LRRC4C: variants seen among roughly 807,000 people sequenced by gnomAD.
LRRC4C encodes the protein leucine rich repeat containing 4C, also known as leucine-rich repeat-containing protein 4C.
Under a neutral mutation model 33.6 loss-of-function variants are expected in LRRC4C, and 5 were observed. That is an observed-to-expected ratio of 0.15 (90% CI 0.08 to 0.31). The LOEUF (loss-of-function observed/expected upper bound fraction) is 0.31. Among genes scored for constraint, LRRC4C ranks in the 10% least tolerant of loss-of-function variants. The probability of loss-of-function intolerance (pLI) is 1.00; values close to 1 mark genes in which losing one functional copy is unlikely to be tolerated. For synonymous variants in LRRC4C, 329 were observed against 302.0 expected, an observed-to-expected ratio of 1.09 and a Z score of -0.93; for missense variants, 560 against 796.7, an observed-to-expected ratio of 0.70 and a Z score of 3.58.
At chr11:40,404,557 C>T (rs950778841) in intron 3 of LRRC4C, among the ~76,000 whole-genome samples, 1 of 152,020 alleles carries the variant, frequency 6.6e-6, no homozygotes, top group Non-Finnish European at 1.5e-5. Context: ...TCTTGTGACT[C>T]CTCTGCCTGT....
At chr11:41,386,144 T>C (rs1326657536) in intron 1 of LRRC4C, among the ~76,000 whole-genome samples, 2 of 151,674 alleles carry the variant, frequency 1.3e-5, no homozygotes, top group Non-Finnish European at 3.0e-5. Context: ...TTCCATTTGA[T>C]ACTTACCAGC....
In LRRC4C at chr11:40,905,362, A is replaced by T. The variant is rs371800906; in HGVS notation, c.-407+28273T>A. On this transcript the variant is annotated intron_variant, in intron 2 of 6. Coordinates refer to ENST00000528697, the MANE Select transcript of LRRC4C (RefSeq NM_001258419.2). The stretch of plus-strand genomic sequence containing the variant: ...TCCCAGAATATCCCCTTGAGCTGGG[A>T]GAAGATTCTCAGGGCTCACATATAG... 2.4e-4 allele frequency among the ~76,000 whole-genome samples: 36 copies of T among 152,128 alleles called. 1 individual carries two copies. The East Asian group carries it at 3.9e-3, about 16-fold the overall frequency.
chr11:40,828,351 C>A (rs1388218895), intron 2 of LRRC4C, among the ~76,000 whole-genome samples: 1 of 151,646 alleles, frequency 6.6e-6, no homozygotes, highest in Non-Finnish European at 1.5e-5. Context: ...AACTAGGATG[C>A]AAAACCCTCT....
intron 3 of LRRC4C, among the ~76,000 whole-genome samples, chr11:40,368,018 CA>C (rs1418135962): frequency 6.6e-6 from 1 of 152,090 alleles, no homozygotes; most frequent in Admixed American, 6.6e-5. Flanking sequence ...ACCGTCTTGG[CA>C]GCTATATTTT....
intron 1 of LRRC4C, among the ~76,000 whole-genome samples, chr11:41,229,578 T>C (rs146344272): frequency 7.8e-4 from 119 of 152,212 alleles, no homozygotes; most frequent in Non-Finnish European, 1.3e-3. Context: ...TACATACAAA[T>C]TCGGAACTCA....
At chr11:40,522,887 C>T (rs1451986594) in intron 3 of LRRC4C, among the ~76,000 whole-genome samples, 1 of 152,144 alleles carries the variant, frequency 6.6e-6, no homozygotes, top group African/African-American at 2.4e-5. Flanking sequence ...TATCTTTTCT[C>T]TTAAAAGTTG....
At chr11:40,873,852 T>C (rs901541337) in intron 2 of LRRC4C, among the ~76,000 whole-genome samples, 1 of 152,224 alleles carries the variant, frequency 6.6e-6, no homozygotes, top group Non-Finnish European at 1.5e-5. Context: ...AATAAACATC[T>C]TCCATGTTTC....
chr11:41,314,798 A>C (rs1435517811), intron 1 of LRRC4C, among the ~76,000 whole-genome samples: 1 of 152,038 alleles, frequency 6.6e-6, no homozygotes, highest in Non-Finnish European at 1.5e-5. Context: ...AAAGTATAAT[A>C]ATAAAAAAAA....
chr11:41,411,087 G>A (rs147781533), intron 1 of LRRC4C, among the ~76,000 whole-genome samples: 5 of 148,702 alleles, frequency 3.4e-5, no homozygotes, highest in African/African-American at 1.0e-4. Context: ...GATGGTTTCC[G>A]CATTGGAAGG....
At chr11:40,500,270 T>C (rs1954680477) in intron 3 of LRRC4C, among the ~76,000 whole-genome samples, 1 of 64,284 alleles carries the variant, frequency 1.6e-5, no homozygotes, top group African/African-American at 5.6e-5. Flanking sequence ...ACCTAATGTC[T>C]GATATATATA....
At chr11:40,810,295 G>T (rs560850310) in intron 2 of LRRC4C, among the ~76,000 whole-genome samples, 15 of 152,194 alleles carry the variant, frequency 9.9e-5, no homozygotes, top group Non-Finnish European at 2.2e-4. Flanking sequence ...TGTCACCATG[G>T]TTCTCTCAGC....
At chr11:40,642,644 C>T (rs1018343776) in intron 3 of LRRC4C, among the ~76,000 whole-genome samples, 1 of 152,086 alleles carries the variant, frequency 6.6e-6, no homozygotes, top group African/African-American at 2.4e-5. Context: ...TTTATGGTCC[C>T]CTCAGCACCT....
rs188391540 is a variant in LRRC4C, at chr11:40,956,186, C to A, written c.-495-22463G>T. ...CAAAAACAAATAACCTTGTGCTGAT[C>A]GGCTGTGAAAATTCAGCAAACTCAA... is the stretch of plus-strand genomic sequence containing the variant. On this transcript the variant is annotated intron_variant, in intron 1 of 6. Coordinates refer to ENST00000528697, the MANE Select transcript of LRRC4C (RefSeq NM_001258419.2). Among the ~76,000 whole-genome samples the A allele has an allele frequency of 2.0e-3, 306 of 151,856 alleles. 5 individuals carry two copies. Among genetic ancestry groups the A allele is most frequent in the Non-Finnish European group, 4.9e-4 (33 of 67,796 alleles).
chr11:41,459,284 C>A (rs1956264529), intron 1 of LRRC4C, 147 bp downstream of exon 1: 1 of 151,906 alleles, frequency 6.6e-6, no homozygotes, highest in Admixed American at 6.6e-5. Context: ...AAAAAATAGC[C>A]CCAAAATGCC....
At chr11:40,790,835 G>C (rs116206642) in intron 2 of LRRC4C, among the ~76,000 whole-genome samples, 1,893 of 152,270 alleles carry the variant, frequency 0.012, 39 homozygotes, top group African/African-American at 0.038. Flanking sequence ...AACACATCCT[G>C]TGAAAATTAA....
chr11:40,186,198 A>G (rs2135559450), intron 5 of LRRC4C, among the ~76,000 whole-genome samples: 1 of 152,324 alleles, frequency 6.6e-6, no homozygotes, highest in South Asian at 2.1e-4. Context: ...GAATAAATAA[A>G]CTATCAAAGG....
chr11:40,606,598 A>G (rs1305186434), intron 3 of LRRC4C, among the ~76,000 whole-genome samples: 1 of 152,198 alleles, frequency 6.6e-6, no homozygotes, highest in Non-Finnish European at 1.5e-5. Flanking sequence ...GTACATGACA[A>G]TTCAAAATAA....
intron 3 of LRRC4C, among the ~76,000 whole-genome samples, chr11:40,548,187 T>A (rs1017361975): frequency 2.0e-5 from 3 of 152,096 alleles, no homozygotes; most frequent in African/African-American, 7.2e-5. Context: ...GAGGGAATCA[T>A]GTAGCATTTC....
At chr11:41,361,400 G>A (rs1952351145) in intron 1 of LRRC4C, among the ~76,000 whole-genome samples, 1 of 152,060 alleles carries the variant, frequency 6.6e-6, no homozygotes, top group African/African-American at 2.4e-5. Context: ...TCTATAGTTA[G>A]TCTTGATTTC....
Sources: gnomAD v4.1 joint callset for allele counts (sites outside exome capture counted in the v4.1 genomes callset) on GRCh38, gnomAD v4.1.1 for gene constraint, MANE v1.5 for transcripts, NCBI Gene and HGNC (gene_info 2026-07-23, HGNC 2026-07-21) for gene names.